Variants in ATAD1 observed in about 807,000 individuals in gnomAD.
ATAD1 encodes the protein outer mitochondrial transmembrane helix translocase.
Under a neutral mutation model 42.7 loss-of-function variants are expected in ATAD1, and 18 were observed. The observed-to-expected ratio is 0.42, with a 90% CI of 0.29 to 0.63. The LOEUF is 0.63. Among genes scored for constraint, ATAD1 ranks in the 20% least tolerant of loss-of-function variants. ATAD1 has a pLI of 0.19. For synonymous variants in ATAD1, 132 were observed against 143.1 expected (o/e 0.92, Z 0.55); for missense variants, 294 against 440.4 (o/e 0.67, Z 2.98).
intron 5 of ATAD1, among the ~76,000 whole-genome samples, chr10:87,780,642 GA>G (rs1018655479): frequency 2.0e-5 from 3 of 151,760 alleles, no homozygotes; most frequent in East Asian, 1.9e-4. Flanking sequence ...AAGAAACAAA[GA>G]AAAAAAATCC....
At chr10:87,777,801 G>A (rs567173321) in intron 5 of ATAD1, among the ~76,000 whole-genome samples, 1 of 151,980 alleles carries the variant, frequency 6.6e-6, no homozygotes, top group Non-Finnish European at 1.5e-5. Flanking sequence ...CTTCAAAAAA[G>A]TATTTTTTAT....
chr10:87,814,751 T>C lies in ATAD1; in HGVS notation c.-13-139A>G, dbSNP rs1025573047. ...TATTACCTACCTTAAAAAAAGTGTTTCATTTTAAGGAGAAATGGATTTTTA... is the reference window on the plus strand; with the variant it reads ...TATTACCTACCTTAAAAAAAGTGTTCCATTTTAAGGAGAAATGGATTTTTA... On this transcript the variant is annotated intron_variant, in intron 1 of 9. Coordinates refer to ENST00000680024, the MANE Select transcript of ATAD1 (RefSeq NM_001321967.2). 28 of 602,924 alleles carry C rather than the reference T, an allele frequency of 4.6e-5. No homozygotes were observed. In the South Asian group the frequency reaches 4.8e-4, roughly 10 times the overall value. 37.3% of individuals were successfully genotyped at this position (602,924 alleles called of 1,614,324 possible). A position where few individuals can be genotyped will look rare whatever the true frequency, so the allele number is the denominator to read the frequency against.
At chr10:87,821,912 G>C (rs2132094669), upstream of ATAD1, among the ~76,000 whole-genome samples, 1 of 152,298 alleles carries the variant, frequency 6.6e-6, no homozygotes, top group East Asian at 1.9e-4. Context: ...CCTAGTGAAT[G>C]AAGACTGTAG....
chr10:87,796,852 C>T (rs1445117214), intron 2 of ATAD1, among the ~76,000 whole-genome samples: 1 of 152,182 alleles, frequency 6.6e-6, no homozygotes, highest in Non-Finnish European at 1.5e-5. Flanking sequence ...AACACCTGAT[C>T]TCCCAAAATT....
chr10:87,763,362 T>A (rs957092173), intron 8 of ATAD1, among the ~76,000 whole-genome samples: 2 of 152,194 alleles, frequency 1.3e-5, no homozygotes, highest in Non-Finnish European at 2.9e-5. Context: ...TATTTTGATA[T>A]GTTTTAAGGC....
chr10:87,757,816 A>T (rs1374995317), intron 8 of ATAD1, among the ~76,000 whole-genome samples: 1 of 152,182 alleles, frequency 6.6e-6, no homozygotes, highest in Admixed American at 6.5e-5. Flanking sequence ...TACGTGGAAG[A>T]CACAGTGTTT....
At chr10:87,818,999 C>G (rs1857561714), upstream of ATAD1, 1 of 152,134 alleles carries the variant, frequency 6.6e-6, no homozygotes, top group South Asian at 2.1e-4. Flanking sequence ...ACATTAGACA[C>G]TCCTGAGATA....
At chr10:87,762,664 C>T (rs568957121) in intron 8 of ATAD1, among the ~76,000 whole-genome samples, 1 of 150,750 alleles carries the variant, frequency 6.6e-6, no homozygotes, top group Non-Finnish European at 1.5e-5. Context: ...GACAGGGTTT[C>T]ACCATGTTGG....
upstream of ATAD1, among the ~76,000 whole-genome samples, chr10:87,820,096 A>AAACAAC (rs764228471): frequency 6.6e-6 from 1 of 152,106 alleles, no homozygotes; most frequent in African/African-American, 2.4e-5. Flanking sequence ...CATTAAAAAC[A>AAACAAC]AACAACAACA....
chr10:87,783,139 G>A (rs1855649223), intron 5 of ATAD1, among the ~76,000 whole-genome samples: 1 of 152,132 alleles, frequency 6.6e-6, no homozygotes, highest in Non-Finnish European at 1.5e-5. Context: ...AATGCTTTGG[G>A]AGGCCAAGGC....
At chr10:87,795,287 A>C (rs1055447299) in intron 2 of ATAD1, among the ~76,000 whole-genome samples, 8 of 152,134 alleles carry the variant, frequency 5.3e-5, no homozygotes, top group Non-Finnish European at 1.2e-4. Context: ...CCACCAAACA[A>C]ACTGTGTCCC....
chr10:87,761,322 T>C (rs1854473825), intron 8 of ATAD1, among the ~76,000 whole-genome samples: 1 of 152,168 alleles, frequency 6.6e-6, no homozygotes, highest in Non-Finnish European at 1.5e-5. Flanking sequence ...ATAAAACTGA[T>C]TAGAGACTAT....
intron 1 of ATAD1, among the ~76,000 whole-genome samples, chr10:87,827,979 A>G (rs115348605): frequency 0.014 from 2,152 of 152,212 alleles, 64 homozygotes; most frequent in African/African-American, 0.048. Flanking sequence ...GTTTTAAGAG[A>G]CGGGGTCTTA....
intron 4 of ATAD1, among the ~76,000 whole-genome samples, 169 bp downstream of exon 4, chr10:87,790,141 T>C (rs1488910559): frequency 6.6e-6 from 1 of 152,224 alleles, no homozygotes; most frequent in Admixed American, 6.5e-5. Context: ...AAAAAGTTTA[T>C]CTCAATTTCA....
intron 1 of ATAD1, among the ~76,000 whole-genome samples, chr10:87,834,536 A>T (rs142184480): frequency 3.3e-5 from 5 of 152,088 alleles, no homozygotes; most frequent in Non-Finnish European, 7.4e-5. Flanking sequence ...GAATTAGTCT[A>T]TTTCACATAG....
At chr10:87,834,755 T>C (rs1857900618) in intron 1 of ATAD1, among the ~76,000 whole-genome samples, 1 of 152,036 alleles carries the variant, frequency 6.6e-6, no homozygotes, top group South Asian at 2.1e-4. Flanking sequence ...CTGTTTTCAA[T>C]TTCATTCATT....
chr10:87,825,607 C>T (rs1200242002), intron 1 of ATAD1, among the ~76,000 whole-genome samples: 1 of 152,140 alleles, frequency 6.6e-6, no homozygotes, highest in Non-Finnish European at 1.5e-5. Flanking sequence ...CCGTGCCCAG[C>T]CACAAATCCT....
chr10:87,811,257 CG>C (rs1857166314), intron 2 of ATAD1, among the ~76,000 whole-genome samples: 2 of 151,994 alleles, frequency 1.3e-5, no homozygotes, highest in South Asian at 4.2e-4. Flanking sequence ...CACTTGAACC[CG>C]GAAGAAGCAG....
At chr10:87,819,965 G>A (rs1454528324), upstream of ATAD1, among the ~76,000 whole-genome samples, 1 of 151,902 alleles carries the variant, frequency 6.6e-6, no homozygotes, top group Non-Finnish European at 1.5e-5. Flanking sequence ...TTATATACGT[G>A]CATGCCTACA....
Sources: allele counts gnomAD v4.1 joint callset (sites outside exome capture counted in the v4.1 genomes callset), GRCh38; gene constraint gnomAD v4.1.1; transcripts MANE v1.5; gene names NCBI Gene and HGNC (gene_info 2026-07-23, HGNC 2026-07-21).